STX8: variants seen among roughly 807,000 people sequenced by gnomAD.
STX8 encodes the protein syntaxin-8.
In STX8, 23 loss-of-function variants were observed where a neutral mutation model predicts 37.5. The observed-to-expected ratio is 0.61, with a 90% confidence interval of 0.44 to 0.87. The LOEUF (loss-of-function observed/expected upper bound fraction) is 0.87, where lower values mean the gene tolerates loss of function less well. Among genes scored for constraint, STX8 ranks in the 40% least tolerant of loss-of-function variants. The pLI is 0.00. For missense variants in STX8, 313 were observed against 284.7 expected (o/e 1.10, Z -0.71); for synonymous variants, 115 against 99.1 (o/e 1.16, Z -0.95).
chr17:9,401,534 C>G (rs1912618435), intron 6 of STX8, among the ~76,000 whole-genome samples: 1 of 152,184 alleles, frequency 6.6e-6, no homozygotes, highest in Non-Finnish European at 1.5e-5. Context: ...AGTTACCTCA[C>G]TAATAAGTGC....
intron 7 of STX8, among the ~76,000 whole-genome samples, chr17:9,307,778 ATCC>A (rs951222815): frequency 1.6e-4 from 25 of 152,096 alleles, no homozygotes; most frequent in Middle Eastern, 3.2e-3. Flanking sequence ...ACCTTCTCCC[ATCC>A]TCCTGTTTCC....
intron 2 of STX8, among the ~76,000 whole-genome samples, chr17:9,566,204 A>T (rs1276553151): frequency 6.6e-6 from 1 of 152,254 alleles, no homozygotes; most frequent in Non-Finnish European, 1.5e-5. Context: ...CAGGAAAAAA[A>T]GCTCAACATC....
At chr17:9,414,625 C>T (rs1339929319) in intron 6 of STX8, among the ~76,000 whole-genome samples, 6 of 152,018 alleles carry the variant, frequency 3.9e-5, no homozygotes, top group Non-Finnish European at 8.8e-5. Flanking sequence ...AAAGCTGACA[C>T]CCAGGTGTCA....
intron 7 of STX8, among the ~76,000 whole-genome samples, chr17:9,377,659 G>C (rs904109970): frequency 1.3e-5 from 2 of 152,026 alleles, no homozygotes; most frequent in South Asian, 2.1e-4. Context: ...ACAGGGTCTC[G>C]CCATGTTGCC....
rs58632329 is a variant in STX8, at chr17:9,315,100, CAAA to C, written c.643+63449_643+63451del. On this transcript the variant is annotated intron_variant, in intron 7 of 7. Transcript: ENST00000306357. ...CTGGCGACAACGTGAGACTCTGTCT[CAAA>C]AAAAAAAAAAAAACCAACAACAACA... 1.8e-3 allele frequency among the ~76,000 whole-genome samples: 199 copies of C among 108,944 alleles called. 1 individual carries two copies. Among genetic ancestry groups the C allele is most frequent in the African/African-American group, 5.9e-3 (176 of 29,994 alleles). 71.5% of individuals were successfully genotyped at this position (108,944 alleles called of 152,430 possible). A position where few individuals can be genotyped will look rare whatever the true frequency, so the allele number is the denominator to read the frequency against.
chr17:9,480,132 G>A (rs1211109024), intron 6 of STX8, among the ~76,000 whole-genome samples: 1 of 152,106 alleles, frequency 6.6e-6, no homozygotes, highest in Non-Finnish European at 1.5e-5. Flanking sequence ...GTCTCTAACT[G>A]TGTATCTGTG....
chr17:9,279,965 T>G (rs1264378528), intron 7 of STX8, among the ~76,000 whole-genome samples: 1 of 152,246 alleles, frequency 6.6e-6, no homozygotes, highest in East Asian at 1.9e-4. Context: ...CAGGGTGTGA[T>G]GGCTTACATC....
chr17:9,556,780 TATATATATATATATACACATAC>T (rs1412556144), intron 3 of STX8: 5 of 77,494 alleles, frequency 6.5e-5, no homozygotes, highest in Admixed American at 1.3e-4. Flanking sequence ...TATATATATA[TATATATATATATATACACATAC>T]ATATATATAT....
chr17:9,296,309 G>A (rs1208777540), intron 7 of STX8, among the ~76,000 whole-genome samples: 1 of 135,714 alleles, frequency 7.4e-6, no homozygotes, highest in Non-Finnish European at 1.6e-5. Context: ...TCGCACCACT[G>A]CACTCCAGCC....
chr17:9,397,783 T>A (rs1405620539), intron 6 of STX8, among the ~76,000 whole-genome samples: 2 of 151,642 alleles, frequency 1.3e-5, no homozygotes, highest in South Asian at 4.2e-4. Flanking sequence ...ACCAGCCTGG[T>A]CAACATGGTG....
chr17:9,261,060 A>G (rs1035196368), intron 7 of STX8, among the ~76,000 whole-genome samples: 1 of 152,230 alleles, frequency 6.6e-6, no homozygotes, highest in Non-Finnish European at 1.5e-5. Context: ...AGGAAATTAA[A>G]AGGAATGAAG....
intron 6 of STX8, among the ~76,000 whole-genome samples, chr17:9,436,431 C>G (rs1904435707): frequency 6.6e-6 from 1 of 151,696 alleles, no homozygotes; most frequent in South Asian, 2.1e-4. Flanking sequence ...AAAGGCAAGT[C>G]AGAAGTGGGC....
intron 7 of STX8, among the ~76,000 whole-genome samples, chr17:9,353,179 A>G (rs558303548): frequency 5.4e-4 from 82 of 152,318 alleles, no homozygotes; most frequent in African/African-American, 1.9e-3. Context: ...GATTACAGGC[A>G]TGACTGCCCC....
At chr17:9,485,678 C>G (rs1426117179) in intron 6 of STX8, among the ~76,000 whole-genome samples, 1 of 151,934 alleles carries the variant, frequency 6.6e-6, no homozygotes, top group Non-Finnish European at 1.5e-5. Flanking sequence ...CTCCACCTCC[C>G]AGGTTCAAGT....
At chr17:9,491,701 T>G in intron 6 of STX8, 128 bp downstream of exon 6, 1 of 783,956 alleles carries the variant, frequency 1.3e-6, no homozygotes, top group Non-Finnish European at 2.0e-6. Flanking sequence ...TCCAATGCGT[T>G]AAACTGTAAC....
chr17:9,460,106 G>A (rs1269846952), intron 6 of STX8, among the ~76,000 whole-genome samples: 1 of 152,202 alleles, frequency 6.6e-6, no homozygotes, highest in African/African-American at 2.4e-5. Flanking sequence ...TGTGATACCA[G>A]TAGCAAAGTC....
rs371373312 is a variant in STX8, at chr17:9,282,726, G to C, written c.644-32081C>G. Reference sequence around the variant, plus strand: ...ATGGAACATAAGCCTTCTTCCCTACGAGACACTCCTCTGGCCAACCTATAT... The same window carrying C: ...ATGGAACATAAGCCTTCTTCCCTACCAGACACTCCTCTGGCCAACCTATAT... On this transcript the variant is annotated intron_variant, in intron 7 of 7. Coordinates refer to ENST00000306357, the MANE Select transcript of STX8 (RefSeq NM_004853.3). 2.6e-5 allele frequency among the ~76,000 whole-genome samples: 4 copies of C among 152,094 alleles called. No individual in the cohort carries two copies. The South Asian group carries it at 8.3e-4, about 32-fold the overall frequency.
intron 7 of STX8, among the ~76,000 whole-genome samples, chr17:9,305,041 G>A (rs1908925607): frequency 6.6e-6 from 1 of 151,750 alleles, no homozygotes; most frequent in African/African-American, 2.4e-5. Context: ...GAACCATCCT[G>A]TTTTTCACTT....
At chr17:9,504,888 C>T (rs1322322094) in intron 5 of STX8, 150 bp downstream of exon 5, 5 of 708,946 alleles carry the variant, frequency 7.1e-6, no homozygotes, top group East Asian at 6.6e-5. Context: ...GCAGGAGAAT[C>T]GTTTGAACCC....
Sources: gnomAD v4.1 joint callset for allele counts (sites outside exome capture counted in the v4.1 genomes callset) on GRCh38, gnomAD v4.1.1 for gene constraint, MANE v1.5 for transcripts, NCBI Gene and HGNC (gene_info 2026-07-23, HGNC 2026-07-21) for gene names.